MBP: variants seen among roughly 807,000 people sequenced by gnomAD.
The protein encoded by MBP is myelin basic protein.
Under a neutral mutation model 35.8 loss-of-function variants are expected in MBP, and 16 were observed. That is an observed-to-expected ratio of 0.45 (90% CI 0.30 to 0.68). MBP has a LOEUF of 0.68. Among genes scored for constraint, MBP ranks in the 30% least tolerant of loss-of-function variants. MBP has a pLI of 0.08. For synonymous variants in MBP, 143 were observed against 159.6 expected (o/e 0.90, Z 0.78); for missense variants, 380 against 404.7 (o/e 0.94, Z 0.52).
At chr18:77,019,018 A>G (rs1971860254) in intron 3 of MBP, among the ~76,000 whole-genome samples, 1 of 145,600 alleles carries the variant, frequency 6.9e-6, no homozygotes, top group South Asian at 2.3e-4. Flanking sequence ...GTATCCATCT[A>G]TTTACCTACC....
chr18:77,115,548 G>C (rs1976634727), intron 1 of MBP: 1 of 152,222 alleles, frequency 6.6e-6, no homozygotes, highest in South Asian at 2.1e-4. Context: ...TCAAGGAGAA[G>C]AATGCTGTGC....
At chr18:77,013,110 C>T (rs1971440406) in intron 4 of MBP, 1 of 985,304 alleles carries the variant, frequency 1.0e-6, no homozygotes, top group Admixed American at 6.1e-5. Context: ...AGTAATGAGA[C>T]TTTGAGAGGA....
intron 3 of MBP, among the ~76,000 whole-genome samples, chr18:77,039,036 A>G (rs775519799): frequency 2.0e-5 from 3 of 152,252 alleles, no homozygotes; most frequent in Non-Finnish European, 4.4e-5. Flanking sequence ...AAAGAAAAAT[A>G]GTATTTTGTG....
chr18:77,025,352 T>C (rs1327621778), intron 3 of MBP, among the ~76,000 whole-genome samples: 1 of 152,162 alleles, frequency 6.6e-6, no homozygotes, highest in African/African-American at 2.4e-5. Flanking sequence ...GGCTTTCTGA[T>C]CTGTCGGGAG....
At chr18:77,133,549 C>T (rs1457622352), upstream of MBP, 1 of 152,274 alleles carries the variant, frequency 6.6e-6, no homozygotes. Flanking sequence ...AGATCTTTCT[C>T]TGGATTCTCA....
chr18:77,073,130 C>G (rs1974516830), intron 2 of MBP, among the ~76,000 whole-genome samples: 1 of 152,106 alleles, frequency 6.6e-6, no homozygotes, highest in South Asian at 2.1e-4. Context: ...ATTTCCAATC[C>G]AGAAAGTCAA....
intron 1 of MBP, chr18:77,112,964 A>T (rs1184466677): frequency 6.6e-6 from 1 of 151,684 alleles, no homozygotes; most frequent in East Asian, 1.9e-4. Context: ...TTTGAGACAG[A>T]GTTTCACTCT....
Position 76,986,090 on chromosome 18 carries a change from G to C in MBP, c.751-1196C>G, listed in dbSNP as rs544640726. ...TCTGGGCGCGGTGGACGTTAACAAT[G>C]GGGGGCGAAGTGTCCTCCCACGGTG... On this transcript the variant is annotated intron_variant, in intron 7 of 8. Transcript: ENST00000355994. 42 of 985,514 alleles carry C rather than the reference G, an allele frequency of 4.3e-5. No individual in the cohort carries two copies. In the East Asian group the frequency reaches 4.5e-3, roughly 106 times the overall value. The allele number at this position is 985,514 out of a possible 1,614,324, so 61.0% of individuals were successfully genotyped here. A position where few individuals can be genotyped will look rare whatever the true frequency, so the allele number is the denominator to read the frequency against.
intron 2 of MBP, 71 bp from the exon 3 acceptor site, chr18:77,066,456 A>G: frequency 1.0e-6 from 1 of 959,830 alleles, no homozygotes; most frequent in Non-Finnish European, 1.7e-6. Context: ...ATTGTAATGC[A>G]TTTGTCTCTT....
intron 3 of MBP, chr18:77,065,817 G>A (rs1216635769): frequency 6.4e-6 from 1 of 155,088 alleles, no homozygotes; most frequent in African/African-American, 2.4e-5. Context: ...GGGATTGCAG[G>A]AGGGGAGGAA....
intron 1 of MBP, among the ~76,000 whole-genome samples, chr18:77,125,139 C>G (rs1320254157): frequency 6.6e-6 from 1 of 152,168 alleles, no homozygotes; most frequent in African/African-American, 2.4e-5. Context: ...CTTTCTTCTT[C>G]CTCTCCTTCG....
At position 77,029,279 on chromosome 18, in the gene MBP, C is replaced by G. The variant is rs988150185; in HGVS notation, c.140-12011G>C. Among the ~76,000 whole-genome samples, 10 of 149,768 alleles carry G rather than the reference C, an allele frequency of 6.7e-5. No homozygotes were observed. The East Asian group carries it at 8.0e-4, about 12-fold the overall frequency. On this transcript the variant is annotated intron_variant, in intron 3 of 8. Coordinates refer to ENST00000355994, the MANE Select transcript of MBP (RefSeq NM_001025101.2). Reference sequence around the variant, plus strand: ...TACGAAAACCAGTCAGGCGTGGCGGCGCGCGCCTGCAATCGCAGGCACTCG... The same window carrying G: ...TACGAAAACCAGTCAGGCGTGGCGGGGCGCGCCTGCAATCGCAGGCACTCG...
chr18:77,112,481 T>C (rs1257647245), intron 1 of MBP: 6 of 152,212 alleles, frequency 3.9e-5, no homozygotes, highest in African/African-American at 1.4e-4. Flanking sequence ...CAGAAGTTTT[T>C]TCCAACATCG....
At chr18:76,987,609 T>G (rs1206103084) in intron 7 of MBP, 1 of 985,512 alleles carries the variant, frequency 1.0e-6, no homozygotes, top group Non-Finnish European at 1.2e-6. Context: ...ATTTATATGA[T>G]GCTTATTAAT....
chr18:76,985,931 G>A (rs1428910938), intron 7 of MBP: 1 of 986,100 alleles, frequency 1.0e-6, no homozygotes, highest in African/African-American at 1.7e-5. Context: ...CATGGGCCGT[G>A]TGACCGCAGG....
intron 1 of MBP, among the ~76,000 whole-genome samples, chr18:77,118,646 C>CCA (rs71174610): frequency 0.012 from 1,688 of 135,306 alleles, 18 homozygotes; most frequent in African/African-American, 0.035. Flanking sequence ...ACACTACACA[C>CCA]CACACACACA....
intron 2 of MBP, among the ~76,000 whole-genome samples, chr18:77,086,696 GT>G (rs1975249639): frequency 6.6e-6 from 1 of 152,154 alleles, no homozygotes; most frequent in South Asian, 2.1e-4. Flanking sequence ...AGTCTTTATA[GT>G]TTAATGCACA....
At chr18:77,018,780 CCACAT>C (rs1351076790) in intron 3 of MBP, among the ~76,000 whole-genome samples, 4,576 of 139,824 alleles carry the variant, frequency 0.033, 428 homozygotes, top group African/African-American at 0.12. Context: ...ATCCATCCAT[CCACAT>C]ATCAGTCCAT....
chr18:77,066,550 G>A (rs77084065), intron 2 of MBP, 165 bp from the exon 3 acceptor site: 111 of 766,144 alleles, frequency 1.4e-4, no homozygotes, highest in African/African-American at 1.2e-3. Context: ...GGTTTTCTGC[G>A]CAGGATTCGG....
Sources: allele counts gnomAD v4.1 joint callset (sites outside exome capture counted in the v4.1 genomes callset), GRCh38; gene constraint gnomAD v4.1.1; transcripts MANE v1.5; gene names NCBI Gene and HGNC (gene_info 2026-07-23, HGNC 2026-07-21).